The following KIRREL3 variants were observed in gnomAD, a reference collection of about 807,000 sequenced individuals.
KIRREL3 encodes kirre like nephrin family adhesion molecule 3.
In KIRREL3, 36 loss-of-function variants were observed where a neutral mutation model predicts 89.7. That is an observed-to-expected ratio of 0.40 (90% CI 0.31 to 0.53). The LOEUF (loss-of-function observed/expected upper bound fraction) is 0.53, where lower values mean the gene tolerates loss of function less well. Among genes scored for constraint, KIRREL3 ranks in the 20% least tolerant of loss-of-function variants. The pLI is 0.49. For missense variants in KIRREL3, 864 were observed against 1,056.6 expected (o/e 0.82, Z 2.53); for synonymous variants, 445 against 441.4 (o/e 1.01, Z -0.10).
chr11:126,885,859 C>G (rs1945674652), intron 1 of KIRREL3, among the ~76,000 whole-genome samples: 1 of 152,152 alleles, frequency 6.6e-6, no homozygotes, highest in African/African-American at 2.4e-5. Flanking sequence ...AATGTTTCAT[C>G]TAAAAAAGTG....
At chr11:126,952,347 T>A (rs978702405) in intron 1 of KIRREL3, among the ~76,000 whole-genome samples, 2 of 151,988 alleles carry the variant, frequency 1.3e-5, no homozygotes, top group African/African-American at 4.8e-5. Context: ...ATCATGCCAC[T>A]GCATGCCAGA....
At chr11:126,543,127 C>T (rs1465342256) in intron 2 of KIRREL3, among the ~76,000 whole-genome samples, 3 of 152,124 alleles carry the variant, frequency 2.0e-5, no homozygotes, top group Non-Finnish European at 4.4e-5. Context: ...CTCCTGTCAC[C>T]CCCCAAACAG....
At chr11:126,598,096 G>C (rs1942485257) in intron 1 of KIRREL3, among the ~76,000 whole-genome samples, 1 of 152,256 alleles carries the variant, frequency 6.6e-6, no homozygotes, top group Admixed American at 6.5e-5. Flanking sequence ...ATATTTTCCT[G>C]GAGTTCTTGG....
At position 126,892,083 on chromosome 11, in the gene KIRREL3, T is replaced by C. The variant is rs1463996631; in HGVS notation, c.55+108372A>G. Reference sequence around the variant, plus strand: ...GATCCTGGCTCTATCAGTGTCTCTGTGCACCAGAGAGAGGCCACTTAGCCT... The same window carrying C: ...GATCCTGGCTCTATCAGTGTCTCTGCGCACCAGAGAGAGGCCACTTAGCCT... On this transcript the variant is annotated intron_variant, in intron 1 of 16. Transcript: ENST00000525144. The surrounding 1 kb of genome is among the most constrained non-coding windows in gnomAD (Gnocchi z 5.4). Among the ~76,000 whole-genome samples, 1 of 152,148 alleles carries C rather than the reference T, an allele frequency of 6.6e-6. No homozygotes were observed. The highest frequency in any genetic ancestry group is 1.5e-5 in the Non-Finnish European group (1 of 68,014).
intron 4 of KIRREL3, among the ~76,000 whole-genome samples, chr11:126,509,390 A>G (rs977408087): frequency 3.3e-5 from 5 of 152,208 alleles, no homozygotes; most frequent in Non-Finnish European, 5.9e-5. Flanking sequence ...TCCTCCAGGA[A>G]GGTAGCTGTG....
At chr11:126,625,489 A>G (rs914578927) in intron 1 of KIRREL3, among the ~76,000 whole-genome samples, 1 of 152,146 alleles carries the variant, frequency 6.6e-6, no homozygotes. Flanking sequence ...TTCATTCTCC[A>G]TACTGCTGCT....
At chr11:127,001,315 G>GGGGC (rs1491188723), upstream of KIRREL3, 1 of 15,060 alleles carries the variant, frequency 6.6e-5, no homozygotes, top group Non-Finnish European at 1.1e-4. Flanking sequence ...TGGTTGTGGT[G>GGGGC]GGGGGGGGGG....
chr11:126,574,291 A>G lies in KIRREL3; in HGVS notation c.56-11379T>C, dbSNP rs1025655576. ...AGGATTTGACCACAACGCTTGGGGT[A>G]AAACCAAACTCCCCCACCTCCTTCA... On this transcript the variant is annotated intron_variant, in intron 1 of 16. Coordinates refer to ENST00000525144, the MANE Select transcript of KIRREL3 (RefSeq NM_032531.4). The surrounding 1 kb of genome is among the most constrained non-coding windows in gnomAD (Gnocchi z 5.3). 1.3e-5 allele frequency among the ~76,000 whole-genome samples: 2 copies of G among 152,238 alleles called. No individual in the cohort carries two copies. The highest frequency in any genetic ancestry group is 2.9e-5 in the Non-Finnish European group (2 of 68,038).
intron 1 of KIRREL3, among the ~76,000 whole-genome samples, chr11:126,625,658 T>G (rs1943754349): frequency 6.6e-6 from 1 of 152,130 alleles, no homozygotes; most frequent in African/African-American, 2.4e-5. Context: ...TCCCCAGCAC[T>G]TGGAACATAG....
At chr11:126,716,191 G>A (rs1947954859) in intron 1 of KIRREL3, among the ~76,000 whole-genome samples, 1 of 152,052 alleles carries the variant, frequency 6.6e-6, no homozygotes. Context: ...TAAAGATTTG[G>A]GAAGGAGAGG....
At position 126,620,267 on chromosome 11, in the gene KIRREL3, A is replaced by G. The variant is rs1306804413; in HGVS notation, c.56-57355T>C. ...CTTTGAATTGATCCTTGGATTCTAG[A>G]CCCAAGGTGGATTCTAGACCCATTA... On this transcript the variant is annotated intron_variant, in intron 1 of 16. Transcript: ENST00000525144. This position sits in a 1 kb window ranked among gnomAD's most constrained non-coding sequence, Gnocchi z 4.8. Among the ~76,000 whole-genome samples, 1 of 152,122 alleles carries G rather than the reference A, an allele frequency of 6.6e-6. No homozygotes were observed. The highest frequency in any genetic ancestry group is 1.9e-4 in the East Asian group (1 of 5,180).
In KIRREL3 at chr11:126,783,564, C is replaced by A. The variant is rs993395820; in HGVS notation, c.55+216891G>T. 2.0e-5 allele frequency among the ~76,000 whole-genome samples: 3 copies of A among 152,172 alleles called. No homozygotes were observed. Among genetic ancestry groups the A allele is most frequent in the African/African-American group, 7.2e-5 (3 of 41,438 alleles). On this transcript the variant is annotated intron_variant, in intron 1 of 16. Coordinates refer to ENST00000525144, the MANE Select transcript of KIRREL3 (RefSeq NM_032531.4). This position sits in a 1 kb window ranked among gnomAD's most constrained non-coding sequence, Gnocchi z 4.3. The stretch of plus-strand genomic sequence containing the variant: ...CACAGAAGCCAACTGAAAGAGCTCC[C>A]ATTGACCAAAGATGGCATGCTTTAG...
rs1213992476 is a variant in KIRREL3 at position 126,566,224 on chromosome 11, G to C, written c.56-3312C>G. Among the ~76,000 whole-genome samples, 6 of 152,222 alleles carry C rather than the reference G, an allele frequency of 3.9e-5. No homozygotes were observed. The highest frequency in any genetic ancestry group is 1.4e-4 in the African/African-American group (6 of 41,454). On this transcript the variant is annotated intron_variant, in intron 1 of 16. Coordinates refer to ENST00000525144, the MANE Select transcript of KIRREL3 (RefSeq NM_032531.4). The surrounding 1 kb of genome is among the most constrained non-coding windows in gnomAD (Gnocchi z 4.9). The stretch of plus-strand genomic sequence containing the variant: ...TCCAGGGTCACCTGCAGATGGGGCA[G>C]TGGAGGGCACTGTCCCAGGAACAAG...
intron 1 of KIRREL3, among the ~76,000 whole-genome samples, chr11:126,939,996 C>T (rs2135106496): frequency 6.6e-6 from 1 of 152,274 alleles, no homozygotes. Flanking sequence ...TCACCACCTC[C>T]TCTATCCTAC....
rs2134874241 is a variant in KIRREL3 at position 126,906,428 on chromosome 11, G to T, written c.55+94027C>A. Among the ~76,000 whole-genome samples, 1 of 152,284 alleles carries T rather than the reference G, an allele frequency of 6.6e-6. No individual in the cohort carries two copies. The highest frequency in any genetic ancestry group is 1.9e-4 in the East Asian group (1 of 5,178). Reference sequence around the variant, plus strand: ...GGCTTAAGGAACGGAAGTATTAGCAGCAAGGTTACTCCCAAAGAGACATGT... The same window carrying T: ...GGCTTAAGGAACGGAAGTATTAGCATCAAGGTTACTCCCAAAGAGACATGT... On this transcript the variant is annotated intron_variant, in intron 1 of 16. Coordinates refer to ENST00000525144, the MANE Select transcript of KIRREL3 (RefSeq NM_032531.4). This position sits in a 1 kb window ranked among gnomAD's most constrained non-coding sequence, Gnocchi z 4.1.
At chr11:126,847,663 T>A (rs1244358376) in intron 1 of KIRREL3, among the ~76,000 whole-genome samples, 1 of 152,160 alleles carries the variant, frequency 6.6e-6, no homozygotes, top group African/African-American at 2.4e-5. Flanking sequence ...TCTGAAGTAA[T>A]CTTTTTTAAC....
chr11:126,562,976 C>T lies in KIRREL3; in HGVS notation c.56-64G>A. On this transcript the variant is annotated intron_variant, in intron 1 of 16. Transcript: ENST00000525144. The surrounding 1 kb of genome is among the most constrained non-coding windows in gnomAD (Gnocchi z 4.7). ...ACAGGTCAGGCATTGTTGGGGGGCCCTCTGCAGGGGGCTGTGGAGCTTGTT... is the reference window on the plus strand; with the variant it reads ...ACAGGTCAGGCATTGTTGGGGGGCCTTCTGCAGGGGGCTGTGGAGCTTGTT... 2.5e-6 allele frequency: 3 copies of T among 1,218,278 alleles called. No homozygotes were observed. Among genetic ancestry groups the T allele is most frequent in the East Asian group, 2.3e-5 (1 of 42,598 alleles). The allele number at this position is 1,218,278 out of a possible 1,614,324, so 75.5% of individuals were successfully genotyped here.
chr11:126,668,409 C>A lies in KIRREL3; in HGVS notation c.56-105497G>T, dbSNP rs191916964. 1.5e-4 allele frequency among the ~76,000 whole-genome samples: 23 copies of A among 152,248 alleles called. No individual in the cohort carries two copies. The highest frequency in any genetic ancestry group is 4.3e-4 in the African/African-American group (18 of 41,540). On this transcript the variant is annotated intron_variant, in intron 1 of 16. Coordinates refer to ENST00000525144, the MANE Select transcript of KIRREL3 (RefSeq NM_032531.4). This position sits in a 1 kb window ranked among gnomAD's most constrained non-coding sequence, Gnocchi z 4.4. ...GCTTATGAATTTGGGGGAATATAAC[C>A]ATTCAGAATAAAACACCCTGGCTAT...
chr11:126,839,968 G>T (rs1487131491), intron 1 of KIRREL3, among the ~76,000 whole-genome samples: 1 of 152,150 alleles, frequency 6.6e-6, no homozygotes, highest in Non-Finnish European at 1.5e-5. Context: ...ACTCTTGATT[G>T]CAGGAAGGAA....
Sources: allele counts gnomAD v4.1 joint callset (sites outside exome capture counted in the v4.1 genomes callset), GRCh38; gene constraint gnomAD v4.1.1; non-coding constraint Gnocchi (gnomAD v3.1); transcripts MANE v1.5; gene names NCBI Gene and HGNC (gene_info 2026-07-23, HGNC 2026-07-21).